COBL: variants seen among roughly 807,000 people sequenced by gnomAD.
COBL encodes the protein protein cordon-bleu.
COBL carries 51 observed loss-of-function variants against 98.8 expected under a neutral mutation model. That is an observed-to-expected ratio of 0.52 (90% CI 0.41 to 0.65). The LOEUF (loss-of-function observed/expected upper bound fraction) is 0.65. Among genes scored for constraint, COBL ranks in the 30% least tolerant of loss-of-function variants. The probability of loss-of-function intolerance (pLI) is 0.00; values close to 1 mark genes in which losing one functional copy is unlikely to be tolerated. For missense variants in COBL, 1,617 were observed against 1,617.5 expected, an observed-to-expected ratio of 1.00 and a Z score of 0.01; for synonymous variants, 634 against 651.7, an observed-to-expected ratio of 0.97 and a Z score of 0.41.
intron 5 of COBL, among the ~76,000 whole-genome samples, chr7:51,147,484 T>C (rs987099986): frequency 5.9e-5 from 9 of 152,194 alleles, no homozygotes; most frequent in African/African-American, 2.2e-4. Flanking sequence ...CTGCTGTATC[T>C]GGTTTCCACT....
chr7:51,251,006 TG>T (rs1294136752), intron 1 of COBL, among the ~76,000 whole-genome samples: 1 of 152,238 alleles, frequency 6.6e-6, no homozygotes, highest in African/African-American at 2.4e-5. Flanking sequence ...AAATTACTAT[TG>T]AAAATAATTG....
chr7:51,060,724 G>A (rs575037907), intron 7 of COBL, among the ~76,000 whole-genome samples: 2 of 152,258 alleles, frequency 1.3e-5, no homozygotes, highest in African/African-American at 4.8e-5. Context: ...ATTGGCCGAT[G>A]GGTCTTAGGT....
intron 6 of COBL, among the ~76,000 whole-genome samples, chr7:51,107,177 C>T (rs1356076669): frequency 2.7e-5 from 4 of 150,722 alleles, no homozygotes; most frequent in Admixed American, 6.6e-5. Flanking sequence ...TCACTGCAAC[C>T]TCCACCTCCC....
At chr7:51,139,269 T>C (rs1440037659) in intron 5 of COBL, among the ~76,000 whole-genome samples, 1 of 152,184 alleles carries the variant, frequency 6.6e-6, no homozygotes, top group African/African-American at 2.4e-5. Flanking sequence ...GTGTCTAATA[T>C]ATGTGGTTTC....
intron 2 of COBL, among the ~76,000 whole-genome samples, chr7:51,195,262 T>C (rs1790484657): frequency 6.6e-6 from 1 of 152,238 alleles, no homozygotes; most frequent in Non-Finnish European, 1.5e-5. Context: ...GCACCATTTA[T>C]TGAATAGGGA....
chr7:51,148,892 G>C (rs1785294800), intron 5 of COBL, among the ~76,000 whole-genome samples: 1 of 151,864 alleles, frequency 6.6e-6, no homozygotes, highest in African/African-American at 2.4e-5. Context: ...CTCTGTGTGT[G>C]TGTAAACATG....
intron 2 of COBL, among the ~76,000 whole-genome samples, chr7:51,202,200 G>A (rs1377982854): frequency 6.6e-6 from 1 of 151,992 alleles, no homozygotes; most frequent in Non-Finnish European, 1.5e-5. Context: ...AAAAGTTCCT[G>A]ACTTAATAAG....
chr7:51,067,802 T>A (rs1163429693), intron 7 of COBL, among the ~76,000 whole-genome samples: 1 of 152,238 alleles, frequency 6.6e-6, no homozygotes, highest in East Asian at 1.9e-4. Flanking sequence ...TAACTTCTTG[T>A]ATGTTTCTTT....
At chr7:51,233,798 T>C (rs562681919) in intron 1 of COBL, among the ~76,000 whole-genome samples, 1 of 152,314 alleles carries the variant, frequency 6.6e-6, no homozygotes, top group East Asian at 1.9e-4. Flanking sequence ...CAATGTCTAA[T>C]GGAGAGAGCC....
intron 1 of COBL, among the ~76,000 whole-genome samples, chr7:51,303,019 G>A (rs552883387): frequency 3.8e-4 from 58 of 152,146 alleles, no homozygotes; most frequent in African/African-American, 1.3e-3. Flanking sequence ...CAGGGCTGCC[G>A]GCTCAGAAAC....
intron 5 of COBL, among the ~76,000 whole-genome samples, chr7:51,165,585 C>T (rs113352525): frequency 0.015 from 2,345 of 152,032 alleles, 69 homozygotes; most frequent in African/African-American, 0.054. Flanking sequence ...AAAGAAACAT[C>T]AGACTTAATC....
intron 7 of COBL, among the ~76,000 whole-genome samples, chr7:51,060,182 G>A (rs1187285444): frequency 6.6e-6 from 1 of 152,206 alleles, no homozygotes; most frequent in Non-Finnish European, 1.5e-5. Flanking sequence ...CACAATGAAA[G>A]GTCTTAACAG....
intron 1 of COBL, among the ~76,000 whole-genome samples, chr7:51,266,254 C>T (rs1436981323): frequency 1.3e-5 from 2 of 152,212 alleles, no homozygotes; most frequent in African/African-American, 4.8e-5. Flanking sequence ...CTGTCATTAA[C>T]TTAATTTCTG....
intron 6 of COBL, among the ~76,000 whole-genome samples, chr7:51,105,547 G>A (rs1256012664): frequency 6.6e-6 from 1 of 152,170 alleles, no homozygotes; most frequent in Middle Eastern, 3.2e-3. Context: ...CCAGGAATTT[G>A]AGACCAGCCT....
intron 1 of COBL, among the ~76,000 whole-genome samples, chr7:51,243,852 C>T (rs1295782315): frequency 2.6e-5 from 4 of 151,388 alleles, no homozygotes; most frequent in South Asian, 2.1e-4. Flanking sequence ...AGGACGTGCA[C>T]GTGGCGGGCA....
chr7:51,066,156 A>G (rs1038879316), intron 7 of COBL, among the ~76,000 whole-genome samples: 4 of 152,214 alleles, frequency 2.6e-5, no homozygotes, highest in Non-Finnish European at 5.9e-5. Flanking sequence ...GTGGCTTGAC[A>G]GGCCCACACA....
intron 5 of COBL, among the ~76,000 whole-genome samples, chr7:51,153,479 A>G (rs1418984418): frequency 6.6e-6 from 1 of 152,242 alleles, no homozygotes; most frequent in Non-Finnish European, 1.5e-5. Flanking sequence ...ATTACTGAGA[A>G]GCTGCCTGCA....
At chr7:51,256,473 AACACAACGAAGAGGCAATGACC>A (rs1484072731) in intron 1 of COBL, among the ~76,000 whole-genome samples, 17 of 152,218 alleles carry the variant, frequency 1.1e-4, no homozygotes, top group African/African-American at 3.9e-4. Flanking sequence ...CCAATTTCAG[AACACAACGAAGAGGCAATGACC>A]ACACCCACGT....
chr7:51,259,090 C>G (rs1000467006), intron 1 of COBL, among the ~76,000 whole-genome samples: 1 of 152,040 alleles, frequency 6.6e-6, no homozygotes, highest in Non-Finnish European at 1.5e-5. Flanking sequence ...GAGTTCAAGA[C>G]CAGCCTGACC....
Sources: gnomAD v4.1 joint callset for allele counts (sites outside exome capture counted in the v4.1 genomes callset) on GRCh38, gnomAD v4.1.1 for gene constraint, MANE v1.5 for transcripts, NCBI Gene and HGNC (gene_info 2026-07-23, HGNC 2026-07-21) for gene names.